NCALD: variants seen among roughly 807,000 people sequenced by gnomAD.
NCALD encodes the protein neurocalcin delta.
A neutral mutation model predicts 18.6 loss-of-function variants in NCALD; 10 were observed. The observed-to-expected ratio is 0.54, with a 90% CI of 0.33 to 0.91. The LOEUF (loss-of-function observed/expected upper bound fraction) is 0.91, where lower values mean the gene tolerates loss of function less well. NCALD is among the 40% of genes least tolerant of loss of function. The probability of loss-of-function intolerance (pLI) is 0.03; values close to 1 mark genes in which losing one functional copy is unlikely to be tolerated. For missense variants in NCALD, 184 were observed against 247.6 expected (o/e 0.74, Z 1.72); for synonymous variants, 88 against 87.4 (o/e 1.01, Z -0.04).
intron 1 of NCALD, among the ~76,000 whole-genome samples, chr8:102,051,187 C>T (rs1333409171): frequency 6.6e-6 from 1 of 152,112 alleles, no homozygotes; most frequent in East Asian, 1.9e-4. Context: ...GTTGGCCTCA[C>T]TGATTTTCTG....
chr8:101,867,965 AC>A (rs1322570513), intron 4 of NCALD, among the ~76,000 whole-genome samples: 2 of 152,076 alleles, frequency 1.3e-5, no homozygotes, highest in Non-Finnish European at 2.9e-5. Context: ...CCCCCCGCCA[AC>A]CTTTTTTTTG....
chr8:101,984,241 C>A (rs1020230424), intron 2 of NCALD, among the ~76,000 whole-genome samples: 1 of 152,182 alleles, frequency 6.6e-6, no homozygotes, highest in Non-Finnish European at 1.5e-5. Context: ...ATATTATATA[C>A]CACAATTCCA....
chr8:101,763,756 C>T (rs1321360745), intron 1 of NCALD, among the ~76,000 whole-genome samples: 1 of 152,104 alleles, frequency 6.6e-6, no homozygotes, highest in Non-Finnish European at 1.5e-5. Flanking sequence ...AAATTGCCTT[C>T]AAACCATGAC....
intron 1 of NCALD, among the ~76,000 whole-genome samples, chr8:102,113,934 C>G (rs1825708949): frequency 6.6e-6 from 1 of 152,174 alleles, no homozygotes; most frequent in Admixed American, 6.5e-5. Flanking sequence ...TTGGTGTAGT[C>G]TAGGCTGTCA....
At chr8:101,690,357 T>C in intron 3 of NCALD, 1 of 982,878 alleles carries the variant, frequency 1.0e-6, no homozygotes, top group Non-Finnish European at 1.2e-6. Context: ...CCGCCCAGCT[T>C]TGCCCTCCCT....
At chr8:101,896,525 G>T (rs1025698071) in intron 3 of NCALD, among the ~76,000 whole-genome samples, 11 of 151,728 alleles carry the variant, frequency 7.2e-5, no homozygotes, top group Admixed American at 5.9e-4. Flanking sequence ...GGGATCTAAT[G>T]AAACTAAAGA....
At chr8:101,690,942 T>C (rs1489427635) in intron 3 of NCALD, 1 of 985,324 alleles carries the variant, frequency 1.0e-6, no homozygotes, top group Non-Finnish European at 1.2e-6. Context: ...GACGTCTGGC[T>C]TTCTTCACTT....
At position 101,968,064 on chromosome 8, in the gene NCALD, G is replaced by T. The variant is rs563495778; in HGVS notation, c.-157+52173C>A. On this transcript the variant is annotated intron_variant, in intron 2 of 6. Coordinates refer to the NCALD transcript ENST00000311028. Reference sequence around the variant, plus strand: ...CCCTTAAGAGGTGTTAAGCAAATCTGCCCATCACTTTCAGCTTTGTATAAT... The same window carrying T: ...CCCTTAAGAGGTGTTAAGCAAATCTTCCCATCACTTTCAGCTTTGTATAAT... Among the ~76,000 whole-genome samples, 31 of 152,272 alleles carry T rather than the reference G, an allele frequency of 2.0e-4. 1 individual carries two copies. In the South Asian group the frequency reaches 5.6e-3, roughly 28 times the overall value.
intron 2 of NCALD, among the ~76,000 whole-genome samples, chr8:101,995,215 A>G (rs1268783210): frequency 6.6e-6 from 1 of 152,238 alleles, no homozygotes; most frequent in East Asian, 1.9e-4. Context: ...AAGATGCGAG[A>G]AGGATCTGAA....
At chr8:101,738,525 C>G (rs1354350438) in intron 1 of NCALD, among the ~76,000 whole-genome samples, 4 of 114,330 alleles carry the variant, frequency 3.5e-5, no homozygotes, top group Non-Finnish European at 5.0e-5. Flanking sequence ...GCCTGAGTGA[C>G]AAGAGCGAAA....
At chr8:101,879,114 A>T (rs1816355728) in intron 4 of NCALD, among the ~76,000 whole-genome samples, 1 of 152,258 alleles carries the variant, frequency 6.6e-6, no homozygotes, top group Non-Finnish European at 1.5e-5. Flanking sequence ...AATGGGGTAT[A>T]GAATGGTTTG....
At chr8:102,060,985 T>G (rs1228299806) in intron 1 of NCALD, among the ~76,000 whole-genome samples, 1 of 152,184 alleles carries the variant, frequency 6.6e-6, no homozygotes, top group Non-Finnish European at 1.5e-5. Flanking sequence ...TTCCACCATT[T>G]AGCTTGATCG....
chr8:101,947,683 T>C (rs530921617), intron 2 of NCALD, among the ~76,000 whole-genome samples: 1 of 152,352 alleles, frequency 6.6e-6, no homozygotes, highest in East Asian at 1.9e-4. Flanking sequence ...TTTATTTTTC[T>C]CTTTTAATTC....
chr8:101,890,805 T>G (rs180694629), intron 3 of NCALD, among the ~76,000 whole-genome samples: 181 of 152,356 alleles, frequency 1.2e-3, no homozygotes, highest in African/African-American at 4.1e-3. Context: ...ACAGACAGAC[T>G]GAGACATCCA....
At chr8:101,697,575 C>T (rs1049959409) in intron 2 of NCALD, among the ~76,000 whole-genome samples, 15 of 152,130 alleles carry the variant, frequency 9.9e-5, no homozygotes. Flanking sequence ...AATCCAGCAG[C>T]ACATCAAAAA....
At position 101,863,070 on chromosome 8, in the gene NCALD, G is replaced by T. The variant is rs76785414; in HGVS notation, c.-20+24071C>A. 8.9e-3 allele frequency among the ~76,000 whole-genome samples: 1,350 copies of T among 152,268 alleles called. 9 individuals are homozygous for T. Among genetic ancestry groups the T allele is most frequent in the Non-Finnish European group, 0.014 (942 of 68,016 alleles). On this transcript the variant is annotated intron_variant, in intron 4 of 6. Coordinates refer to the NCALD transcript ENST00000311028. ...TATTTAAAAGCCAAGGTTCTGAAAT[G>T]AAATCCAAGCAAGTTGACCCCAGAG... is the stretch of plus-strand genomic sequence containing the variant.
chr8:101,771,417 C>T (rs1811581647), intron 1 of NCALD, among the ~76,000 whole-genome samples: 1 of 152,174 alleles, frequency 6.6e-6, no homozygotes. Context: ...CAAGATAAAA[C>T]AGTCAAGGAA....
chr8:101,693,010 C>T, intron 2 of NCALD, 114 bp from the exon 3 acceptor site: 1 of 711,144 alleles, frequency 1.4e-6, no homozygotes, highest in Non-Finnish European at 2.5e-6. Context: ...CGCATTGGAC[C>T]TAGTCCTACC....
intron 2 of NCALD, among the ~76,000 whole-genome samples, chr8:102,009,575 G>A (rs1439010778): frequency 1.3e-5 from 2 of 152,214 alleles, no homozygotes; most frequent in Non-Finnish European, 2.9e-5. Flanking sequence ...GCTGCTACAA[G>A]TCAGTGCTGG....
Sources: gnomAD v4.1 joint callset for allele counts (sites outside exome capture counted in the v4.1 genomes callset) on GRCh38, gnomAD v4.1.1 for gene constraint, MANE v1.5 for transcripts, NCBI Gene and HGNC (gene_info 2026-07-23, HGNC 2026-07-21) for gene names.